The following ATP8B4 variants were observed in gnomAD, a reference collection of about 807,000 sequenced individuals.
ATP8B4 encodes the protein ATPase phospholipid transporting 8B4 (putative).
In ATP8B4, 133 loss-of-function variants were observed where a neutral mutation model predicts 145.6. That is an observed-to-expected ratio of 0.91 (90% CI 0.79 to 1.05). The LOEUF is 1.05. Among genes scored for constraint, ATP8B4 ranks in the 50% least tolerant of loss-of-function variants. The probability of loss-of-function intolerance (pLI) is 0.00; values close to 1 mark genes in which losing one functional copy is unlikely to be tolerated. For missense variants in ATP8B4, 1,458 were observed against 1,425.2 expected, an observed-to-expected ratio of 1.02 and a Z score of -0.37; for synonymous variants, 507 against 492.9, an observed-to-expected ratio of 1.03 and a Z score of -0.38.
chr15:49,941,842 G>A (rs1448552737), intron 14 of ATP8B4, among the ~76,000 whole-genome samples: 6 of 152,118 alleles, frequency 3.9e-5, no homozygotes, highest in African/African-American at 9.7e-5. Flanking sequence ...TATATACACC[G>A]TGGAATACTA....
intron 1 of ATP8B4, among the ~76,000 whole-genome samples, chr15:50,127,156 T>C (rs1445989884): frequency 6.6e-6 from 1 of 152,204 alleles, no homozygotes; most frequent in Non-Finnish European, 1.5e-5. Flanking sequence ...AGCCTCCATG[T>C]ATTGATTTAT....
Position 50,147,920 on chromosome 15 carries a change from C to T in ATP8B4, c.-43+34341G>A, listed in dbSNP as rs185149405. Among the ~76,000 whole-genome samples the T allele has an allele frequency of 3.4e-3, 511 of 152,164 alleles. 4 individuals carry two copies. The highest frequency in any genetic ancestry group is 0.011 in the African/African-American group (476 of 41,516). On this transcript the variant is annotated intron_variant, in intron 1 of 3. Coordinates refer to the ATP8B4 transcript ENST00000558829. The stretch of plus-strand genomic sequence containing the variant: ...AAAATCATTCAGTGGGAAATTGGGG[C>T]GTAAAAGAATATTTATACAATCTAA...
At chr15:50,025,680 G>A (rs2049953550) in intron 6 of ATP8B4, among the ~76,000 whole-genome samples, 1 of 152,192 alleles carries the variant, frequency 6.6e-6, no homozygotes, top group Admixed American at 6.5e-5. Context: ...TTCCTTAGCA[G>A]CATTTGCCTT....
chr15:50,141,552 G>A (rs544921054), intron 1 of ATP8B4, among the ~76,000 whole-genome samples: 2 of 152,130 alleles, frequency 1.3e-5, no homozygotes, highest in African/African-American at 2.4e-5. Flanking sequence ...AGACTGATAA[G>A]GACAAAATCT....
chr15:49,915,394 A>G (rs2039639530), intron 20 of ATP8B4, among the ~76,000 whole-genome samples: 1 of 152,170 alleles, frequency 6.6e-6, no homozygotes, highest in Non-Finnish European at 1.5e-5. Flanking sequence ...AAAGTTCAAC[A>G]GCAGAATATG....
At chr15:50,024,582 C>T (rs1567217535) in intron 6 of ATP8B4, among the ~76,000 whole-genome samples, 1 of 152,156 alleles carries the variant, frequency 6.6e-6, no homozygotes, top group Non-Finnish European at 1.5e-5. Flanking sequence ...TACTCTTCGT[C>T]GTCCAGGCAA....
At chr15:50,158,024 C>A (rs900325294) in intron 1 of ATP8B4, among the ~76,000 whole-genome samples, 1 of 152,208 alleles carries the variant, frequency 6.6e-6, no homozygotes, top group African/African-American at 2.4e-5. Flanking sequence ...CCTGAGGTGC[C>A]GGGATTGCAG....
intron 2 of ATP8B4, among the ~76,000 whole-genome samples, chr15:50,076,043 T>C (rs768570372): frequency 6.6e-6 from 1 of 152,232 alleles, no homozygotes; most frequent in Non-Finnish European, 1.5e-5. Flanking sequence ...ATATTAATTA[T>C]ATATTAATTG....
intron 3 of ATP8B4, 96 bp downstream of exon 3, chr15:50,074,031 T>G: frequency 6.6e-6 from 7 of 1,062,578 alleles, no homozygotes; most frequent in Non-Finnish European, 9.6e-6. Flanking sequence ...ATGAAGAAAG[T>G]TTTTGGTGAA....
At chr15:50,014,319 T>C (rs1599812486) in intron 6 of ATP8B4, among the ~76,000 whole-genome samples, 3 of 152,178 alleles carry the variant, frequency 2.0e-5, no homozygotes, top group Non-Finnish European at 4.4e-5. Flanking sequence ...CCCTTGCTCA[T>C]ACACTTTTTT....
intron 14 of ATP8B4, among the ~76,000 whole-genome samples, chr15:49,954,557 C>T (rs117339963): frequency 0.011 from 1,719 of 152,100 alleles, 15 homozygotes; most frequent in Non-Finnish European, 0.019. Flanking sequence ...GACATACAGG[C>T]GGCAAACATG....
In ATP8B4 at chr15:49,996,660, C is replaced by T; in HGVS notation, c.589+17G>A. On this transcript the variant is annotated intron_variant, in intron 9 of 27. Coordinates refer to ENST00000284509, the MANE Select transcript of ATP8B4 (RefSeq NM_024837.4). ...GGGTTTGAGGTTTTTGTTTGTTTAT[C>T]TGTTTAAAATACTTACCATCAAACC... is the stretch of plus-strand genomic sequence containing the variant. The T allele has an allele frequency of 6.4e-7, 1 of 1,559,536 alleles. No individual in the cohort carries two copies. Among genetic ancestry groups the T allele is most frequent in the Non-Finnish European group, 8.8e-7 (1 of 1,138,394 alleles).
At chr15:50,016,190 A>G (rs1261966525) in intron 6 of ATP8B4, among the ~76,000 whole-genome samples, 1 of 152,206 alleles carries the variant, frequency 6.6e-6, no homozygotes, top group Non-Finnish European at 1.5e-5. Flanking sequence ...CAGGAAATGT[A>G]TTCTCTTTCA....
chr15:49,950,724 T>C (rs908968576), intron 14 of ATP8B4, among the ~76,000 whole-genome samples: 6 of 152,168 alleles, frequency 3.9e-5, no homozygotes, highest in Non-Finnish European at 7.3e-5. Context: ...CTGTTAGTTA[T>C]TTCTTGTCTT....
At chr15:49,997,157 T>G (rs761951062) in intron 8 of ATP8B4, among the ~76,000 whole-genome samples, 4 of 151,978 alleles carry the variant, frequency 2.6e-5, no homozygotes, top group Non-Finnish European at 4.4e-5. Flanking sequence ...GAGTTTTACT[T>G]GCAAAAAATG....
Position 50,000,696 on chromosome 15 carries a change from T to G in ATP8B4, c.506+1457A>C, listed in dbSNP as rs369355018. ...ACAGGAACTTCTGTGGAACAAAAAT[T>G]TTTAATTTCTTGAAGTCCAGTTTAT... On this transcript the variant is annotated intron_variant, in intron 8 of 27. Transcript: ENST00000284509. Among the ~76,000 whole-genome samples, 356 of 152,274 alleles carry G rather than the reference T, an allele frequency of 2.3e-3. 3 individuals are homozygous for G. Among genetic ancestry groups the G allele is most frequent in the African/African-American group, 8.4e-3 (349 of 41,576 alleles).
intron 10 of ATP8B4, among the ~76,000 whole-genome samples, chr15:49,984,368 T>C (rs58382015): frequency 7.9e-5 from 12 of 152,226 alleles, no homozygotes; most frequent in South Asian, 2.1e-4. Flanking sequence ...ACAAAGAGAA[T>C]TGGAGGAAGT....
intron 1 of ATP8B4, among the ~76,000 whole-genome samples, chr15:50,134,847 T>C (rs1341559814): frequency 6.6e-6 from 1 of 152,204 alleles, no homozygotes; most frequent in African/African-American, 2.4e-5. Flanking sequence ...AGAGTGAACG[T>C]GGAACAAATT....
intron 24 of ATP8B4, among the ~76,000 whole-genome samples, chr15:49,878,603 TCC>T (rs1440888916): frequency 6.6e-6 from 1 of 152,164 alleles, no homozygotes; most frequent in Non-Finnish European, 1.5e-5. Flanking sequence ...GTCTTTCACT[TCC>T]CCACAGGCAG....
Sources: gnomAD v4.1 joint callset for allele counts (sites outside exome capture counted in the v4.1 genomes callset) on GRCh38, gnomAD v4.1.1 for gene constraint, MANE v1.5 for transcripts, NCBI Gene and HGNC (gene_info 2026-07-23, HGNC 2026-07-21) for gene names.